Variants in SETD2 observed in about 807,000 individuals in gnomAD.
SETD2 encodes SET domain containing 2, histone lysine methyltransferase, also known as histone-lysine N-methyltransferase SETD2.
A neutral mutation model predicts 242.1 loss-of-function variants in SETD2; 31 were observed. The ratio of observed to expected loss-of-function variants is 0.13; its 90% confidence interval spans 0.10 to 0.17. SETD2 has a LOEUF of 0.17. SETD2 is among the 10% of genes least tolerant of loss of function. SETD2 has a pLI of 1.00. For missense variants in SETD2, 2,481 were observed against 3,046.3 expected, an observed-to-expected ratio of 0.81 and a Z score of 4.37; for synonymous variants, 1,006 against 1,066.5, an observed-to-expected ratio of 0.94 and a Z score of 1.11.
intron 1 of SETD2, among the ~76,000 whole-genome samples, chr3:47,138,096 C>T (rs535375588): frequency 3.4e-4 from 51 of 151,736 alleles, no homozygotes; most frequent in Middle Eastern, 3.4e-3. Flanking sequence ...CTCAGCCTCC[C>T]GAGTAGCTGG....
rs2106668399 is a variant in SETD2 at position 47,122,075 on chromosome 3, T to C, written c.2561A>G (p.Gln854Arg). Residue 854 changes from glutamine to arginine, a missense_variant, in exon 3 of 21, where the codon CAG (glutamine) becomes CGG (arginine). This residue lies in a region of SETD2 where 1,300 missense variants were observed against 1,259.2 expected (regional missense o/e 1.03). Coordinates refer to ENST00000409792, the MANE Select transcript of SETD2 (RefSeq NM_014159.7). ...AGCTGAACTAGTGCTACCGATGCTC[T>C]GCTTATATTCTTCACATGCAAATTT... ...HSKFACEEYK[Q>R]SIGSTSSASV... 1 of 1,613,962 alleles carries C rather than the reference T, an allele frequency of 6.2e-7. No homozygotes were observed. The highest frequency in any genetic ancestry group is 8.5e-7 in the Non-Finnish European group (1 of 1,179,968).
rs1253265216 is a variant in SETD2 at position 47,019,655 on chromosome 3, T to C, written c.7431+105A>G. On this transcript the variant is annotated intron_variant, in intron 19 of 20. Coordinates refer to ENST00000409792, the MANE Select transcript of SETD2 (RefSeq NM_014159.7). The stretch of plus-strand genomic sequence containing the variant: ...ACACACAAGGAACACCTTGTGTTCC[T>C]GCCTATCTTGGGGCAAAGGAGATAT... 5 of 958,668 alleles carry C rather than the reference T, an allele frequency of 5.2e-6. No individual in the cohort carries two copies. The Admixed American group carries it at 5.6e-5, about 11-fold the overall frequency. 59.4% of individuals were successfully genotyped at this position (958,668 alleles called of 1,614,324 possible).
chr3:47,117,281 C>CAAAAAAAAAA (rs71615400), intron 3 of SETD2, among the ~76,000 whole-genome samples: 1 of 53,600 alleles, frequency 1.9e-5, no homozygotes, highest in African/African-American at 7.9e-5. Context: ...AAAAAAAAAA[C>CAAAAAAAAAA]AAACAAAAAA....
chr3:47,164,007 CCGACCGCGGCGG>C lies in SETD2; in HGVS notation c.-95_-84del. Reference sequence around the variant, plus strand: ...GAGGGGAGGGGAGGAGGCCGCAGGTCCGACCGCGGCGGCGGCGGCGGCGGCGGCGGCGGCGGC... The same window carrying C: ...GAGGGGAGGGGAGGAGGCCGCAGGTCCGGCGGCGGCGGCGGCGGCGGCGGC... On this transcript the variant is annotated 5_prime_UTR_variant, in exon 1 of 21. Coordinates refer to ENST00000409792, the MANE Select transcript of SETD2 (RefSeq NM_014159.7). This position sits in a 1 kb window ranked among gnomAD's most constrained non-coding sequence, Gnocchi z 5.4. 8.4e-7 allele frequency: 1 copy of C among 1,188,428 alleles called. No homozygotes were observed. Among genetic ancestry groups the C allele is most frequent in the Non-Finnish European group, 1.0e-6 (1 of 968,938 alleles). 73.6% of individuals were successfully genotyped at this position (1,188,428 alleles called of 1,614,324 possible). A position where few individuals can be genotyped will look rare whatever the true frequency, so the allele number is the denominator to read the frequency against.
At chr3:47,133,758 G>A (rs945438425) in intron 1 of SETD2, among the ~76,000 whole-genome samples, 1 of 151,962 alleles carries the variant, frequency 6.6e-6, no homozygotes, top group Non-Finnish European at 1.5e-5. Context: ...TGGACCCTTG[G>A]AAATCCTAGA....
chr3:47,068,463 A>G (rs913817665), intron 12 of SETD2, among the ~76,000 whole-genome samples: 4 of 151,598 alleles, frequency 2.6e-5, no homozygotes, highest in African/African-American at 9.7e-5. Context: ...TGTGTGCCAG[A>G]TATCATGCTG....
chr3:47,119,282 T>C (rs780564171), intron 3 of SETD2, among the ~76,000 whole-genome samples: 55 of 152,214 alleles, frequency 3.6e-4, no homozygotes, highest in Non-Finnish European at 5.6e-4. Context: ...ATGTTTTCAT[T>C]ACTCTTATTC....
chr3:47,095,754 TG>T (rs1179712886), intron 9 of SETD2, among the ~76,000 whole-genome samples: 2 of 141,208 alleles, frequency 1.4e-5, no homozygotes, highest in East Asian at 2.1e-4. Context: ...TGTTACATGA[TG>T]AAAAAAAAAA....
intron 1 of SETD2, among the ~76,000 whole-genome samples, chr3:47,135,292 A>C (rs1397988819): frequency 1.3e-5 from 2 of 152,016 alleles, no homozygotes; most frequent in East Asian, 3.9e-4. Flanking sequence ...GGCTTTTTAA[A>C]TTTGAGACAG....
intron 12 of SETD2, among the ~76,000 whole-genome samples, chr3:47,083,144 TTATG>T (rs1315702621): frequency 3.3e-5 from 5 of 152,210 alleles, no homozygotes; most frequent in South Asian, 2.1e-4. Context: ...CAACAAGAGA[TTATG>T]TATGTAATAG....
chr3:47,055,527 T>C (rs1351725788), intron 15 of SETD2, among the ~76,000 whole-genome samples: 1 of 150,874 alleles, frequency 6.6e-6, no homozygotes, highest in Non-Finnish European at 1.5e-5. Flanking sequence ...GGCAACACAG[T>C]GAGACCGCAT....
At chr3:47,089,960 A>G (rs2041725459) in intron 9 of SETD2, among the ~76,000 whole-genome samples, 1 of 152,156 alleles carries the variant, frequency 6.6e-6, no homozygotes, top group Non-Finnish European at 1.5e-5. Flanking sequence ...ACCAAATAAA[A>G]GACTGGGCCA....
At chr3:47,088,009 AAAAT>A (rs2041638902) in intron 10 of SETD2, 100 bp downstream of exon 10, 1 of 1,128,900 alleles carries the variant, frequency 8.9e-7, no homozygotes, top group Non-Finnish European at 1.2e-6. Flanking sequence ...ATAAATAAAT[AAAAT>A]AAGACTAACT....
intron 12 of SETD2, among the ~76,000 whole-genome samples, chr3:47,080,430 T>C (rs906147371): frequency 1.4e-4 from 21 of 152,178 alleles, no homozygotes; most frequent in African/African-American, 4.8e-4. Flanking sequence ...CGGTGTTTAA[T>C]GGCAAATGAA....
At chr3:47,156,451 C>A (rs959720327) in intron 1 of SETD2, among the ~76,000 whole-genome samples, 5 of 152,064 alleles carry the variant, frequency 3.3e-5, no homozygotes, top group Non-Finnish European at 5.9e-5. Context: ...GTTGTATCAA[C>A]AGTTGCTTGA....
intron 18 of SETD2, among the ~76,000 whole-genome samples, chr3:47,035,685 G>A (rs964682440): frequency 5.9e-5 from 9 of 152,226 alleles, no homozygotes; most frequent in South Asian, 2.1e-4. Flanking sequence ...CATGAACTTG[G>A]GCTTTTAAGA....
chr3:47,118,548 C>A (rs2042951257), intron 3 of SETD2, among the ~76,000 whole-genome samples: 1 of 151,656 alleles, frequency 6.6e-6, no homozygotes, highest in Non-Finnish European at 1.5e-5. Context: ...ATGGTGAAAC[C>A]CATCTCTACT....
In SETD2 at chr3:47,098,017, T is replaced by C. The variant is rs2107674465; in HGVS notation, c.5080A>G (p.Arg1694Gly). 6.2e-7 allele frequency: 1 copy of C among 1,614,144 alleles called. No homozygotes were observed. The highest frequency in any genetic ancestry group is 8.5e-7 in the Non-Finnish European group (1 of 1,179,968). Reference sequence around the variant, plus strand: ...CCTCCTGCTGCTCTGATGCTGACTCTGTTTTCTCCTCCCAGGTAACCCCGG... The same window carrying C: ...CCTCCTGCTGCTCTGATGCTGACTCCGTTTTCTCCTCCCAGGTAACCCCGG... ...NCRGYLGGENRVSIRAAGGKM... is the reference protein window; with the variant it reads ...NCRGYLGGENGVSIRAAGGKM... The change falls in exon 9 of 21, where the codon AGA becomes GGA. Residue 1694 changes from arginine (R) to glycine (G), a missense_variant. By Grantham distance (125) the Arg-to-Gly change is moderately radical (BLOSUM62 -2). This residue lies in a region of SETD2 where 61 missense variants were observed against 221.4 expected (regional missense o/e 0.28). Transcript: ENST00000409792.
intron 1 of SETD2, among the ~76,000 whole-genome samples, chr3:47,162,084 C>T (rs1357994908): frequency 2.0e-5 from 3 of 152,168 alleles, no homozygotes; most frequent in African/African-American, 7.2e-5. Context: ...CAAAGATGCA[C>T]TTCTGAGTCC....
Sources: allele counts gnomAD v4.1 joint callset (sites outside exome capture counted in the v4.1 genomes callset), GRCh38; gene constraint gnomAD v4.1.1; regional missense constraint gnomAD v4.1.1; non-coding constraint Gnocchi (gnomAD v3.1); transcripts MANE v1.5; gene names NCBI Gene and HGNC (gene_info 2026-07-23, HGNC 2026-07-21).